Variants in ARHGAP15 observed in about 807,000 individuals in gnomAD.
ARHGAP15 encodes the protein Rho GTPase activating protein 15.
ARHGAP15 carries 51 observed loss-of-function variants against 63.7 expected under a neutral mutation model. That is an observed-to-expected ratio of 0.80 (90% CI 0.64 to 1.01). The LOEUF is 1.01. Among genes scored for constraint, ARHGAP15 ranks in the 50% least tolerant of loss-of-function variants. The pLI is 0.00. For missense variants in ARHGAP15, 560 were observed against 564.6 expected (o/e 0.99, Z 0.08); for synonymous variants, 191 against 193.8 (o/e 0.99, Z 0.12).
intron 6 of ARHGAP15, among the ~76,000 whole-genome samples, chr2:143,320,001 C>T (rs898523842): frequency 7.1e-6 from 1 of 141,304 alleles, no homozygotes; most frequent in Non-Finnish European, 1.6e-5. Flanking sequence ...TACTTATCTA[C>T]ATTTTTTCAG....
intron 13 of ARHGAP15, among the ~76,000 whole-genome samples, chr2:143,747,684 T>A (rs1376166644): frequency 1.3e-5 from 2 of 152,204 alleles, no homozygotes; most frequent in Non-Finnish European, 2.9e-5. Flanking sequence ...CATTTAAGAT[T>A]CTTCTTGTTC....
intron 2 of ARHGAP15, among the ~76,000 whole-genome samples, chr2:143,195,044 T>TA (rs937201108): frequency 4.4e-4 from 66 of 151,670 alleles, no homozygotes; most frequent in African/African-American, 8.5e-4. Context: ...CAGATGTTTA[T>TA]AAAAAAAAAT....
At chr2:143,535,466 C>T (rs1238333571) in intron 10 of ARHGAP15, among the ~76,000 whole-genome samples, 4 of 152,036 alleles carry the variant, frequency 2.6e-5, no homozygotes, top group Non-Finnish European at 5.9e-5. Context: ...GAAAAAAGGA[C>T]GAATTCTAAT....
chr2:143,309,199 T>C (rs939375152), intron 6 of ARHGAP15, among the ~76,000 whole-genome samples: 1 of 152,130 alleles, frequency 6.6e-6, no homozygotes, highest in Non-Finnish European at 1.5e-5. Flanking sequence ...TATACCTCTA[T>C]TTTTAAAATT....
chr2:143,686,416 A>G (rs922777195), intron 12 of ARHGAP15, among the ~76,000 whole-genome samples: 5 of 104,364 alleles, frequency 4.8e-5, no homozygotes, highest in African/African-American at 1.5e-4. Flanking sequence ...AAAAAAAAAA[A>G]GCCCTTGCAA....
chr2:143,251,396 A>C (rs1190718376), intron 6 of ARHGAP15, among the ~76,000 whole-genome samples: 1 of 152,048 alleles, frequency 6.6e-6, no homozygotes, highest in African/African-American at 2.4e-5. Context: ...TTCTGAGAGC[A>C]TGTTGGCCCT....
intron 6 of ARHGAP15, among the ~76,000 whole-genome samples, chr2:143,300,433 A>G (rs1161863872): frequency 6.6e-6 from 1 of 152,048 alleles, no homozygotes; most frequent in East Asian, 1.9e-4. Context: ...GGTTGTCCAT[A>G]TAGGATCCTC....
intron 13 of ARHGAP15, among the ~76,000 whole-genome samples, chr2:143,719,001 A>G (rs1458456770): frequency 1.3e-5 from 2 of 152,220 alleles, no homozygotes; most frequent in Non-Finnish European, 2.9e-5. Flanking sequence ...CCTATTTTTA[A>G]CAGGCATTAA....
At chr2:143,657,623 A>C (rs185393654) in intron 12 of ARHGAP15, among the ~76,000 whole-genome samples, 1 of 152,338 alleles carries the variant, frequency 6.6e-6, no homozygotes, top group Non-Finnish European at 1.5e-5. Context: ...GTAATGTTTC[A>C]AAGTATAATT....
chr2:143,651,612 T>C (rs1365370480), intron 12 of ARHGAP15, among the ~76,000 whole-genome samples: 1 of 152,044 alleles, frequency 6.6e-6, no homozygotes, highest in Non-Finnish European at 1.5e-5. Context: ...CTGGGTCATA[T>C]GGTAGATGTA....
At chr2:143,744,842 G>A (rs185262268) in intron 13 of ARHGAP15, among the ~76,000 whole-genome samples, 87 of 152,276 alleles carry the variant, frequency 5.7e-4, no homozygotes, top group African/African-American at 1.9e-3. Context: ...TATAGGGAGG[G>A]AGAAAATGTA....
At chr2:143,632,635 C>T (rs1559091985) in intron 12 of ARHGAP15, among the ~76,000 whole-genome samples, 1 of 152,104 alleles carries the variant, frequency 6.6e-6, no homozygotes, top group East Asian at 1.9e-4. Context: ...GAACTCATAT[C>T]CCTGTCTATA....
intron 11 of ARHGAP15, among the ~76,000 whole-genome samples, chr2:143,579,583 G>A (rs1696808471): frequency 6.6e-6 from 1 of 152,082 alleles, no homozygotes; most frequent in Non-Finnish European, 1.5e-5. Context: ...CGACCGTGAG[G>A]GGAGCTCGTC....
At chr2:143,314,324 G>A (rs945983686) in intron 6 of ARHGAP15, 2 of 152,188 alleles carry the variant, frequency 1.3e-5, no homozygotes, top group African/African-American at 4.8e-5. Flanking sequence ...AGCTAGAAAA[G>A]TGTTTCCAAA....
chr2:143,474,836 A>G lies in ARHGAP15; in HGVS notation c.704-12537A>G, dbSNP rs540608373. Among the ~76,000 whole-genome samples the G allele has an allele frequency of 7.2e-5, 11 of 152,334 alleles. No homozygotes were observed. In the East Asian group the frequency reaches 2.1e-3, roughly 29 times the overall value. ...GGGGTTATCTGACGGTCAACAACAG[A>G]AAAAAGCTTGGCAATTTGATTACAA... is the stretch of plus-strand genomic sequence containing the variant. On this transcript the variant is annotated intron_variant, in intron 8 of 13. Coordinates refer to ENST00000295095, the MANE Select transcript of ARHGAP15 (RefSeq NM_018460.4).
At chr2:143,710,542 C>T (rs1051391389) in intron 13 of ARHGAP15, among the ~76,000 whole-genome samples, 4 of 152,120 alleles carry the variant, frequency 2.6e-5, no homozygotes, top group South Asian at 2.1e-4. Context: ...GGTTTTAAGA[C>T]GGGAGTGAAA....
chr2:143,487,437 GA>G lies in ARHGAP15; in HGVS notation c.770del (p.Lys257SerfsTer9). 6.2e-7 allele frequency: 1 copy of G among 1,613,806 alleles called. No individual in the cohort carries two copies. The highest frequency in any genetic ancestry group is 8.5e-7 in the Non-Finnish European group (1 of 1,179,878). ...DKNRVKSRLK[K>X]FITRRPSLKT... Reference sequence around the variant, plus strand: ...AAAATCGAGTTAAAAGCAGATTAAAGAAGTTTATTACCCGAAGACCTTCCCT... The same window carrying G: ...AAAATCGAGTTAAAAGCAGATTAAAGAGTTTATTACCCGAAGACCTTCCCT... On this transcript the variant is annotated frameshift_variant, in exon 9 of 14. Coordinates refer to ENST00000295095, the MANE Select transcript of ARHGAP15 (RefSeq NM_018460.4). LOFTEE classifies it high-confidence loss of function.
chr2:143,172,178 G>A (rs1344082996), intron 2 of ARHGAP15: 2 of 152,078 alleles, frequency 1.3e-5, no homozygotes, highest in African/African-American at 2.4e-5. Context: ...GGTATCAAAT[G>A]TTCACGTTTA....
intron 11 of ARHGAP15, among the ~76,000 whole-genome samples, chr2:143,591,638 T>G (rs2105170282): frequency 6.6e-6 from 1 of 151,472 alleles, no homozygotes; most frequent in East Asian, 1.9e-4. Context: ...TTTTTTTTTT[T>G]AGAGAAAGTC....
Sources: gnomAD v4.1 joint callset for allele counts (sites outside exome capture counted in the v4.1 genomes callset) on GRCh38, gnomAD v4.1.1 for gene constraint, MANE v1.5 for transcripts, NCBI Gene and HGNC (gene_info 2026-07-23, HGNC 2026-07-21) for gene names.